The following TMEM132B variants were observed in gnomAD, a reference collection of about 807,000 sequenced individuals.
TMEM132B encodes transmembrane protein 132B.
TMEM132B carries 18 observed loss-of-function variants against 90.8 expected under a neutral mutation model. The ratio of observed to expected loss-of-function variants is 0.20; its 90% CI spans 0.14 to 0.29. The LOEUF is 0.29. Ranked by LOEUF, TMEM132B falls within the 10% of genes least tolerant of loss-of-function variation. The pLI, the probability that TMEM132B is intolerant of heterozygous loss-of-function variation, is 1.00. For synonymous variants in TMEM132B, 504 were observed against 523.3 expected (o/e 0.96, Z 0.50); for missense variants, 1,096 against 1,326.8 (o/e 0.83, Z 2.70).
At chr12:125,264,242 G>C (rs1040083420) in intron 1 of TMEM132B, among the ~76,000 whole-genome samples, 7 of 152,100 alleles carry the variant, frequency 4.6e-5, no homozygotes, top group Non-Finnish European at 8.8e-5. Flanking sequence ...CCTCTGATAA[G>C]TGCCTATGAG....
intron 1 of TMEM132B, among the ~76,000 whole-genome samples, chr12:125,226,399 A>C (rs1419824056): frequency 6.6e-6 from 1 of 152,236 alleles, no homozygotes. Context: ...TCTCTTGAGC[A>C]GTGTCTTAAG....
At chr12:125,634,298 C>G (rs1399728631) in intron 5 of TMEM132B, among the ~76,000 whole-genome samples, 3 of 152,164 alleles carry the variant, frequency 2.0e-5, no homozygotes, top group African/African-American at 7.2e-5. Context: ...TGAAGGCTAC[C>G]CGGCCTGAGA....
intron 3 of TMEM132B, among the ~76,000 whole-genome samples, chr12:125,470,338 A>G (rs1881679009): frequency 1.3e-5 from 2 of 152,136 alleles, no homozygotes. Context: ...TCTACTACAG[A>G]GTGGTCTTTG....
chr12:125,528,003 C>A lies in TMEM132B; in HGVS notation c.1293+8378C>A, dbSNP rs530990910. Among the ~76,000 whole-genome samples, 13 of 152,312 alleles carry A rather than the reference C, an allele frequency of 8.5e-5. No homozygotes were observed. In the South Asian group the frequency reaches 1.0e-3, roughly 12 times the overall value. ...TGGTCAAAAGCTTCAAAAACCGCTT[C>A]TTGAAAAGGGTGGTCTAAGGAGAGG... On this transcript the variant is annotated intron_variant, in intron 4 of 8. Coordinates refer to ENST00000682704, the MANE Select transcript of TMEM132B (RefSeq NM_001366854.1).
Position 125,576,966 on chromosome 12 carries a change from CT to C in TMEM132B, c.1294-6872del, listed in dbSNP as rs113266697. Among the ~76,000 whole-genome samples, 435 of 135,640 alleles carry C rather than the reference CT, an allele frequency of 3.2e-3. 1 individual carries two copies. The highest frequency in any genetic ancestry group is 7.7e-3 in the Middle Eastern group (2 of 260). The allele number at this position is 135,640 out of a possible 152,430, so 89.0% of individuals were successfully genotyped here. A position where few individuals can be genotyped will look rare whatever the true frequency, so the allele number is the denominator to read the frequency against. ...AGTTTTCTTTTCCTGTGATGCCTTTCTTTTTTTTTTTTTAAATTAGGGTAAT... is the reference window on the plus strand; with the variant it reads ...AGTTTTCTTTTCCTGTGATGCCTTTCTTTTTTTTTTTTAAATTAGGGTAAT... On this transcript the variant is annotated intron_variant, in intron 4 of 8. Transcript: ENST00000682704.
intron 3 of TMEM132B, among the ~76,000 whole-genome samples, chr12:125,479,295 C>T (rs1881975654): frequency 6.6e-6 from 1 of 152,146 alleles, no homozygotes; most frequent in South Asian, 2.1e-4. Flanking sequence ...CTAAATGCCC[C>T]AATTAAAAGA....
intron 4 of TMEM132B, among the ~76,000 whole-genome samples, chr12:125,541,248 TAG>T (rs1883948456): frequency 6.6e-6 from 1 of 152,222 alleles, no homozygotes; most frequent in Non-Finnish European, 1.5e-5. Flanking sequence ...CTGACACATA[TAG>T]AGAGTCCTCA....
chr12:125,277,998 GT>G lies in TMEM132B; in HGVS notation c.68-71453del, dbSNP rs1309133573. Among the ~76,000 whole-genome samples, 1 of 152,158 alleles carries G rather than the reference GT, an allele frequency of 6.6e-6. No individual in the cohort carries two copies. The highest frequency in any genetic ancestry group is 1.5e-5 in the Non-Finnish European group (1 of 68,018). On this transcript the variant is annotated intron_variant, in intron 1 of 8. Transcript: ENST00000682704. The surrounding 1 kb of genome is among the most constrained non-coding windows in gnomAD (Gnocchi z 4.3). ...TAAAACCAGCCTGCTTCTCCCAGTT[GT>G]GTTTTGTGTCAAGACTCTCTAGGTT...
intron 1 of TMEM132B, among the ~76,000 whole-genome samples, chr12:125,341,674 C>G (rs1877184398): frequency 6.6e-6 from 1 of 152,156 alleles, no homozygotes; most frequent in Non-Finnish European, 1.5e-5. Context: ...GAACTTTTTT[C>G]TACTGCTGTT....
chr12:125,321,725 AC>A (rs1414891559), intron 1 of TMEM132B, among the ~76,000 whole-genome samples: 2 of 152,036 alleles, frequency 1.3e-5, no homozygotes, highest in Non-Finnish European at 2.9e-5. Flanking sequence ...TGATCCACCC[AC>A]CTTGGCCTCT....
At chr12:125,650,500 C>T (rs1008828661) in intron 6 of TMEM132B, among the ~76,000 whole-genome samples, 183 bp from the exon 7 acceptor site, 1 of 152,132 alleles carries the variant, frequency 6.6e-6, no homozygotes, top group Non-Finnish European at 1.5e-5. Context: ...GCACATCATC[C>T]TCATCAAAGT....
chr12:125,619,521 C>T (rs936942455), intron 5 of TMEM132B, among the ~76,000 whole-genome samples: 3 of 152,108 alleles, frequency 2.0e-5, no homozygotes, highest in African/African-American at 7.2e-5. Context: ...TGTGCCACCA[C>T]ACCCGGCTAA....
intron 6 of TMEM132B, among the ~76,000 whole-genome samples, chr12:125,648,080 A>T (rs1277743428): frequency 9.4e-6 from 1 of 106,554 alleles, no homozygotes; most frequent in Non-Finnish European, 1.8e-5. Flanking sequence ...CAGTCCCCAG[A>T]GTGTGATATT....
chr12:125,206,357 G>A (rs1012673363), intron 1 of TMEM132B, among the ~76,000 whole-genome samples: 10 of 151,850 alleles, frequency 6.6e-5, no homozygotes, highest in African/African-American at 1.5e-4. Flanking sequence ...TCCTGCCTCC[G>A]CCTCCTGGGT....
chr12:125,282,365 C>T (rs145770850), intron 1 of TMEM132B, among the ~76,000 whole-genome samples: 52 of 152,328 alleles, frequency 3.4e-4, no homozygotes, highest in Middle Eastern at 6.8e-3. Flanking sequence ...TTGTCCTCTT[C>T]TGCAAGGATC....
At chr12:125,502,663 G>A (rs145803623) in intron 3 of TMEM132B, among the ~76,000 whole-genome samples, 110 of 152,308 alleles carry the variant, frequency 7.2e-4, no homozygotes, top group African/African-American at 2.6e-3. Flanking sequence ...TTGAATAGTT[G>A]CCTTATCTAT....
intron 3 of TMEM132B, among the ~76,000 whole-genome samples, chr12:125,468,658 C>T (rs1881633806): frequency 6.6e-6 from 1 of 152,168 alleles, no homozygotes; most frequent in Non-Finnish European, 1.5e-5. Context: ...GTTTTGATTA[C>T]ATATTTTGAA....
intron 3 of TMEM132B, among the ~76,000 whole-genome samples, chr12:125,447,877 C>T (rs1454569259): frequency 6.6e-6 from 1 of 152,126 alleles, no homozygotes; most frequent in Admixed American, 6.5e-5. Flanking sequence ...TCTATTTTTA[C>T]TTTCATGGTA....
chr12:125,377,366 G>A (rs983683426), intron 2 of TMEM132B, among the ~76,000 whole-genome samples: 3 of 152,224 alleles, frequency 2.0e-5, no homozygotes, highest in African/African-American at 7.2e-5. Flanking sequence ...TGGATTGTGG[G>A]CTGGACTGGG....
Sources: allele counts gnomAD v4.1 joint callset (sites outside exome capture counted in the v4.1 genomes callset), GRCh38; gene constraint gnomAD v4.1.1; non-coding constraint Gnocchi (gnomAD v3.1); transcripts MANE v1.5; gene names NCBI Gene and HGNC (gene_info 2026-07-23, HGNC 2026-07-21).